The following UBA1 variants were observed in gnomAD, a reference collection of about 807,000 sequenced individuals.
UBA1 encodes the protein ubiquitin like modifier activating enzyme 1, also known as ubiquitin-like modifier-activating enzyme 1.
Under a neutral mutation model 84.7 loss-of-function variants are expected in UBA1, and 4 were observed. The ratio of observed to expected loss-of-function variants is 0.05; its 90% CI spans 0.02 to 0.11. The LOEUF (loss-of-function observed/expected upper bound fraction) is 0.11, where lower values mean the gene tolerates loss of function less well. UBA1 is among the 10% of genes least tolerant of loss of function. The pLI, the probability that UBA1 is intolerant of heterozygous loss-of-function variation, is 1.00. For missense variants in UBA1, 513 were observed against 902.8 expected, an observed-to-expected ratio of 0.57 and a Z score of 5.53; for synonymous variants, 364 against 362.6, an observed-to-expected ratio of 1.00 and a Z score of -0.04.
chrX:47,213,301 G>T, intron 23 of UBA1, 120 bp downstream of exon 23: 1 of 750,195 alleles, frequency 1.3e-6, no homozygotes, highest in Non-Finnish European at 1.9e-6. Context: ...CCCTTTTTGT[G>T]TATCCTTTTT....
Position 47,202,438 on chromosome X carries a change from C to T in UBA1, c.990C>T (p.His330=), listed in dbSNP as rs1386647411. ...AGTTTTCTCGCCCTGCCCAGCTGCACATTGGCTTCCAGGCCCTGCACCAGT... is the reference window on the plus strand; with the variant it reads ...AGTTTTCTCGCCCTGCCCAGCTGCATATTGGCTTCCAGGCCCTGCACCAGT... ...FAKFSRPAQL[H]IGFQALHQFC... The change falls in exon 10 of 26, where the codon CAC becomes CAT. Residue 330 remains histidine (H), a synonymous_variant. Coordinates refer to ENST00000335972, the MANE Select transcript of UBA1 (RefSeq NM_003334.4). The T allele has an allele frequency of 8.3e-7, 1 of 1,207,297 alleles. No homozygotes were observed. The highest frequency in any genetic ancestry group is 3.0e-5 in the East Asian group (1 of 33,632).
rs782106589 is a variant in UBA1, at chrX:47,206,271, G to A, written c.1765G>A (p.Val589Ile). ...DARMYMDRRC[V>I]YYRKPLLESG... ...AGGCATGTACATGGACCGCCGCTGT[G>A]TCTACTACCGGAAGCCACTGCTGGA... The change falls in exon 16 of 26, where the codon GTC (valine) becomes ATC (isoleucine). Residue 589 changes from valine to isoleucine, a missense_variant. Physicochemically the swap from Val to Ile is conservative, Grantham distance 29. This residue lies in a region of UBA1 where 40 missense variants were observed against 138.3 expected (regional missense o/e 0.29). Coordinates refer to ENST00000335972, the MANE Select transcript of UBA1 (RefSeq NM_003334.4). 3.3e-6 allele frequency: 4 copies of A among 1,206,808 alleles called. No individual in the cohort carries two copies. The African/African-American group carries it at 7.0e-5, about 21-fold the overall frequency.
At chrX:47,213,896 G>A (rs1381254742) in intron 23 of UBA1, among the ~76,000 whole-genome samples, 1 of 111,257 alleles carries the variant, frequency 9.0e-6, no homozygotes, top group Admixed American at 9.5e-5. Context: ...GAGGACTTGA[G>A]AATACCAGGG....
At chrX:47,205,424 C>T in intron 14 of UBA1, 1 of 343,173 alleles carries the variant, frequency 2.9e-6, no homozygotes, top group South Asian at 2.6e-5. Flanking sequence ...CTGTCCACAG[C>T]TTCCCTTTAT....
At position 47,197,259 on chromosome X, in the gene UBA1, G is replaced by A. The variant is rs138439512; in HGVS notation, c.1-1544G>A. On this transcript the variant is annotated intron_variant, in intron 1 of 25. Transcript: ENST00000335972. ...CCCCACCAGCTGCATGCCTCTGGGC[G>A]AGTGAATGGGGTTCTCTAAGCCTTT... The A allele has an allele frequency of 5.3e-5, 40 of 753,968 alleles. No homozygotes were observed. In the African/African-American group the frequency reaches 6.9e-4, roughly 13 times the overall value. The allele number at this position is 753,968 out of a possible 1,213,427, so 62.1% of individuals were successfully genotyped here.
intron 16 of UBA1, among the ~76,000 whole-genome samples, chrX:47,208,263 GTGTC>G: frequency 1.6e-5 from 1 of 62,217 alleles, no homozygotes; most frequent in Non-Finnish European, 3.1e-5. Context: ...CTCCTGGGAA[GTGTC>G]TGTACGTGTG....
intron 5 of UBA1, among the ~76,000 whole-genome samples, chrX:47,200,080 C>T (rs782275195): frequency 2.1e-4 from 23 of 111,147 alleles, no homozygotes; most frequent in Admixed American, 6.7e-4. Context: ...CCACCGCACC[C>T]GGCCTGGCCC....
chrX:47,200,914 C>A lies in UBA1; in HGVS notation c.501C>A (p.Thr167=). The A allele has an allele frequency of 1.7e-6, 2 of 1,200,218 alleles. No homozygotes were observed. ...CACAGGTGGTGGTGCTCACCAACACCCCCCTGGAGGACCAGCTGCGAGTGG... is the reference window on the plus strand; with the variant it reads ...CACAGGTGGTGGTGCTCACCAACACACCCCTGGAGGACCAGCTGCGAGTGG... The part of the protein sequence containing the change: ...SGFQVVVLTN[T]PLEDQLRVGE... The change falls in exon 6 of 26, where the codon ACC becomes ACA. Residue 167 remains threonine, a synonymous_variant. Transcript: ENST00000335972.
At chrX:47,196,135 A>C (rs1232645412) in intron 1 of UBA1, among the ~76,000 whole-genome samples, 1 of 111,016 alleles carries the variant, frequency 9.0e-6, no homozygotes, top group African/African-American at 3.3e-5. Flanking sequence ...GCCTTTCTCC[A>C]AAAGATCCTT....
At chrX:47,194,117 C>A (rs1936112152) in intron 1 of UBA1, 93 bp downstream of exon 1, 1 of 111,870 alleles carries the variant, frequency 8.9e-6, no homozygotes, top group Non-Finnish European at 1.9e-5. Context: ...CGGGGCGGGC[C>A]GCGGTGACTC....
At chrX:47,198,984 GTC>G in intron 2 of UBA1, 62 bp from the exon 3 acceptor site, 1 of 1,204,728 alleles carries the variant, frequency 8.3e-7, no homozygotes, top group Non-Finnish European at 1.1e-6. Flanking sequence ...TTGTATCACT[GTC>G]TGTCTATCCA....
chrX:47,204,505 G>T (rs186891218), intron 14 of UBA1, among the ~76,000 whole-genome samples: 1 of 111,622 alleles, frequency 9.0e-6, no homozygotes. Context: ...TTTACTTGGG[G>T]CTGGTCATGT....
Position 47,202,731 on chromosome X carries a change from C to T in UBA1, c.1150C>T (p.Arg384Trp), listed in dbSNP as rs148642741. The change falls in exon 11 of 26, where the codon CGG (arginine) becomes TGG (tryptophan). Residue 384 changes from arginine (R) to tryptophan (W), a missense_variant. Arg to Trp is a moderately radical substitution (Grantham distance 101, BLOSUM62 -3). This residue lies in a region of UBA1 where 227 missense variants were observed against 339.1 expected (regional missense o/e 0.67). Coordinates refer to ENST00000335972, the MANE Select transcript of UBA1 (RefSeq NM_003334.4). The part of the protein sequence containing the change: ...QQNNLDEDLI[R>W]KLAYVAAGDL... ...AAATAACCTGGACGAGGACCTCATC[C>T]GGAAGCTGGCATATGTGGCTGCTGG... The T allele has an allele frequency of 2.2e-5, 27 of 1,209,840 alleles. No individual in the cohort carries two copies. Among genetic ancestry groups the T allele is most frequent in the Middle Eastern group, 2.3e-4 (1 of 4,350 alleles).
chrX:47,206,417 C>T lies in UBA1; in HGVS notation c.1911C>T (p.Phe637=). 1 of 1,212,204 alleles carries T rather than the reference C, an allele frequency of 8.2e-7. No homozygotes were observed. The highest frequency in any genetic ancestry group is 1.1e-6 in the Non-Finnish European group (1 of 895,598). The stretch of plus-strand genomic sequence containing the variant: ...TCCCCATCTGTACCCTGAAGAACTT[C>T]CCTAATGCCATCGAGCACACCCTGC... ...KSIPICTLKN[F]PNAIEHTLQW... Residue 637 remains phenylalanine (F), a synonymous_variant, in exon 16 of 26, where the codon TTC becomes TTT. Transcript: ENST00000335972.
intron 6 of UBA1, 137 bp from the exon 7 acceptor site, chrX:47,201,139 T>C (rs1936403048): frequency 2.5e-6 from 2 of 797,189 alleles, no homozygotes; most frequent in Admixed American, 2.6e-5. Flanking sequence ...TCTCTCCCCA[T>C]GTGGCACAAG....
At chrX:47,198,276 G>C in intron 1 of UBA1, 1 of 982,674 alleles carries the variant, frequency 1.0e-6, no homozygotes, top group Non-Finnish European at 1.3e-6. Flanking sequence ...GAGGAGAATG[G>C]CTGCTTGTTA....
In UBA1 at chrX:47,210,836, C is replaced by T. The variant is rs1556793127; in HGVS notation, c.2200-6C>T. 1 of 1,208,245 alleles carries T rather than the reference C, an allele frequency of 8.3e-7. No individual in the cohort carries two copies. The highest frequency in any genetic ancestry group is 1.1e-6 in the Non-Finnish European group (1 of 894,275). On this transcript the variant is annotated splice_polypyrimidine_tract_variant and splice_region_variant and intron_variant, in intron 18 of 25. Transcript: ENST00000335972. ...TCCTGTTCTCAAAAATCTCTCCATC[C>T]CTTAGCTCACAAGCTCAGGAGCGCC...
intron 1 of UBA1, among the ~76,000 whole-genome samples, chrX:47,196,381 C>T (rs1556785533): frequency 9.0e-6 from 1 of 111,324 alleles, no homozygotes; most frequent in African/African-American, 3.3e-5. Context: ...AACCTGCCTC[C>T]TCTCACACCT....
rs782381485 is a variant in UBA1, at chrX:47,211,224, T to C, written c.2463T>C (p.Val821=). 8 of 1,206,907 alleles carry C rather than the reference T, an allele frequency of 6.6e-6. No individual in the cohort carries two copies. The highest frequency in any genetic ancestry group is 8.9e-6 in the Non-Finnish European group (8 of 895,246). The change falls in exon 20 of 26, where the codon GTT becomes GTC. Residue 821 remains valine (V), a splice_region_variant and synonymous_variant. Coordinates refer to ENST00000335972, the MANE Select transcript of UBA1 (RefSeq NM_003334.4). ...DQELQSANAS[V]DDSRLEELKA... ...AGCTGCAGAGCGCCAATGCCTCTGT[T>C]GGTGAGGGTGTTTGGCCAGTTGGCC...
Sources: allele counts gnomAD v4.1 joint callset (sites outside exome capture counted in the v4.1 genomes callset), GRCh38; gene constraint gnomAD v4.1.1; regional missense constraint gnomAD v4.1.1; transcripts MANE v1.5; gene names NCBI Gene and HGNC (gene_info 2026-07-23, HGNC 2026-07-21).